ITFG1: variants seen among roughly 807,000 people sequenced by gnomAD.
The protein encoded by ITFG1 is integrin alpha FG-GAP repeat containing 1.
ITFG1 carries 34 observed loss-of-function variants against 81.8 expected under a neutral mutation model. The observed-to-expected ratio is 0.42, with a 90% confidence interval of 0.32 to 0.55. The LOEUF (loss-of-function observed/expected upper bound fraction) is 0.55. Ranked by LOEUF, ITFG1 falls within the 20% of genes least tolerant of loss-of-function variation. The pLI is 0.17. For synonymous variants in ITFG1, 285 were observed against 270.6 expected (o/e 1.05, Z -0.52); for missense variants, 672 against 755.4 (o/e 0.89, Z 1.29).
chr16:47,336,760 C>G (rs35788633), intron 8 of ITFG1, among the ~76,000 whole-genome samples: 1 of 151,930 alleles, frequency 6.6e-6, no homozygotes, highest in East Asian at 1.9e-4. Context: ...GTCAGGAGTT[C>G]TAGACCTGCC....
At chr16:47,203,897 G>A (rs561130127) in intron 14 of ITFG1, among the ~76,000 whole-genome samples, 1 of 152,292 alleles carries the variant, frequency 6.6e-6, no homozygotes, top group East Asian at 1.9e-4. Context: ...GGGAGTTAGC[G>A]TTTAATGGGT....
chr16:47,361,697 A>G (rs1420507676), intron 8 of ITFG1, among the ~76,000 whole-genome samples: 1 of 152,148 alleles, frequency 6.6e-6, no homozygotes, highest in Non-Finnish European at 1.5e-5. Flanking sequence ...TGACTAAGGG[A>G]CTGCTCTAAG....
intron 6 of ITFG1, among the ~76,000 whole-genome samples, chr16:47,399,545 C>A (rs1051980674): frequency 3.9e-5 from 6 of 151,926 alleles, no homozygotes; most frequent in Non-Finnish European, 5.9e-5. Context: ...TGCACTCCAG[C>A]CTGGGCAAGA....
rs139899429 is a variant in ITFG1, at chr16:47,183,144, C to T, written c.1454-20480G>A. On this transcript the variant is annotated intron_variant, in intron 14 of 17. Coordinates refer to ENST00000320640, the MANE Select transcript of ITFG1 (RefSeq NM_030790.5). ...GGAGGGTCCTACGCCCACGGAGTCT[C>T]GCTGATTGCCAGCACAGCAGTCTGA... Among the ~76,000 whole-genome samples, 1,341 of 152,308 alleles carry T rather than the reference C, an allele frequency of 8.8e-3. 17 individuals carry two copies. Among genetic ancestry groups the T allele is most frequent in the African/African-American group, 0.029 (1,212 of 41,556 alleles).
rs138206780 is a variant in ITFG1, at chr16:47,441,357, C to A, written c.560+10039G>T. 7.5e-3 allele frequency among the ~76,000 whole-genome samples: 1,139 copies of A among 152,272 alleles called. 19 individuals are homozygous for A. Among genetic ancestry groups the A allele is most frequent in the African/African-American group, 0.026 (1,079 of 41,550 alleles). ...GGCCAGCATCAACCTGATACCAAAG[C>A]CTGGCAGAGACACTACAAAAAAAGA... On this transcript the variant is annotated intron_variant, in intron 5 of 17. Coordinates refer to ENST00000320640, the MANE Select transcript of ITFG1 (RefSeq NM_030790.5).
At chr16:47,451,783 G>A (rs1969392889) in intron 4 of ITFG1, among the ~76,000 whole-genome samples, 1 of 152,216 alleles carries the variant, frequency 6.6e-6, no homozygotes, top group African/African-American at 2.4e-5. Context: ...ACAGCACAGA[G>A]CAGAGCCTGT....
chr16:47,170,762 G>C, intron 14 of ITFG1, among the ~76,000 whole-genome samples: 1 of 125,050 alleles, frequency 8.0e-6, no homozygotes, highest in African/African-American at 3.1e-5. Context: ...TTGAGATGGA[G>C]ACTCACTCTG....
intron 12 of ITFG1, among the ~76,000 whole-genome samples, chr16:47,253,024 T>C (rs941667643): frequency 6.6e-6 from 1 of 152,196 alleles, no homozygotes. Flanking sequence ...TGCAAAGTTA[T>C]CCTGTTTTCT....
chr16:47,283,975 A>C (rs1966861029), intron 10 of ITFG1, among the ~76,000 whole-genome samples: 1 of 152,226 alleles, frequency 6.6e-6, no homozygotes, highest in African/African-American at 2.4e-5. Flanking sequence ...CACTATGCTA[A>C]GTGAAAGAAG....
intron 14 of ITFG1, among the ~76,000 whole-genome samples, chr16:47,203,690 G>A (rs1284249167): frequency 6.6e-6 from 1 of 152,180 alleles, no homozygotes; most frequent in Non-Finnish European, 1.5e-5. Context: ...GATTGATGGG[G>A]AGCAGCTGTA....
chr16:47,254,298 C>T (rs1018565656), intron 12 of ITFG1, among the ~76,000 whole-genome samples: 4 of 152,040 alleles, frequency 2.6e-5, no homozygotes, highest in African/African-American at 7.2e-5. Context: ...CATTTTCCCA[C>T]GTGGATAATT....
chr16:47,203,053 T>C (rs181652874), intron 14 of ITFG1, among the ~76,000 whole-genome samples: 18 of 152,234 alleles, frequency 1.2e-4, no homozygotes, highest in African/African-American at 2.4e-5. Flanking sequence ...TGTACACCCA[T>C]GTTTATAGCA....
At chr16:47,267,634 A>T (rs547179774) in intron 10 of ITFG1, among the ~76,000 whole-genome samples, 2 of 152,314 alleles carry the variant, frequency 1.3e-5, no homozygotes, top group Middle Eastern at 3.4e-3. Flanking sequence ...TGAAATATTT[A>T]TCAAGATAGA....
intron 12 of ITFG1, among the ~76,000 whole-genome samples, chr16:47,244,956 A>C: frequency 6.6e-6 from 1 of 152,160 alleles, no homozygotes; most frequent in East Asian, 1.9e-4. Flanking sequence ...CCTAGCTTCT[A>C]AAACTGTGAG....
At chr16:47,443,814 G>A (rs1969287654) in intron 5 of ITFG1, among the ~76,000 whole-genome samples, 2 of 152,060 alleles carry the variant, frequency 1.3e-5, no homozygotes, top group South Asian at 2.1e-4. Context: ...GAGTTAATGG[G>A]TGCAGCACAC....
rs375603114 is a variant in ITFG1 at position 47,158,938 on chromosome 16, T to A, written c.1714A>T (p.Ile572Leu). Residue 572 changes from isoleucine (I) to leucine (L), a missense_variant, in exon 17 of 18, where the codon ATA becomes TTA. Physicochemically the swap from Ile to Leu is conservative, Grantham distance 5 (BLOSUM62 2). Transcript: ENST00000320640. ...AAAACACAGACACCGATGAGAGCTATAGCAGTAAGCAGAACAATATTACTT... is the reference window on the plus strand; with the variant it reads ...AAAACACAGACACCGATGAGAGCTAAAGCAGTAAGCAGAACAATATTACTT... ...TPSNIVLLTA[I>L]ALIGVCVFIL... The A allele has an allele frequency of 1.0e-5, 16 of 1,604,988 alleles. No individual in the cohort carries two copies. The highest frequency in any genetic ancestry group is 1.2e-5 in the Non-Finnish European group (14 of 1,175,398).
intron 5 of ITFG1, among the ~76,000 whole-genome samples, chr16:47,438,503 C>T (rs1344186193): frequency 2.0e-5 from 3 of 152,168 alleles, no homozygotes; most frequent in Non-Finnish European, 4.4e-5. Context: ...GAGGAATGAT[C>T]AGGCAGCAGC....
At chr16:47,357,448 A>G (rs529170293) in intron 8 of ITFG1, among the ~76,000 whole-genome samples, 46 of 152,052 alleles carry the variant, frequency 3.0e-4, no homozygotes, top group Non-Finnish European at 6.0e-4. Context: ...CCCCGTCTCT[A>G]CTAAAAATAC....
intron 10 of ITFG1, among the ~76,000 whole-genome samples, chr16:47,282,579 T>C (rs896574848): frequency 2.0e-5 from 3 of 152,164 alleles, no homozygotes; most frequent in African/African-American, 7.2e-5. Context: ...CCTTTTGGTA[T>C]AATGATTTCT....
Sources: gnomAD v4.1 joint callset for allele counts (sites outside exome capture counted in the v4.1 genomes callset) on GRCh38, gnomAD v4.1.1 for gene constraint, MANE v1.5 for transcripts, NCBI Gene and HGNC (gene_info 2026-07-23, HGNC 2026-07-21) for gene names.